The following ITPR2 variants were observed in gnomAD, a reference collection of about 807,000 sequenced individuals.
ITPR2 encodes the protein inositol 1,4,5-trisphosphate receptor type 2, also known as inositol 1,4,5-trisphosphate-gated calcium channel ITPR2.
A neutral mutation model predicts 317.1 loss-of-function variants in ITPR2; 207 were observed. The observed-to-expected ratio is 0.65, with a 90% CI of 0.58 to 0.73. The LOEUF is 0.73. Ranked by LOEUF, ITPR2 falls within the 30% of genes least tolerant of loss-of-function variation. The pLI is 0.00. For synonymous variants in ITPR2, 1,156 were observed against 1,149.1 expected, an observed-to-expected ratio of 1.01 and a Z score of -0.12; for missense variants, 2,613 against 3,284.0, an observed-to-expected ratio of 0.80 and a Z score of 4.99.
rs139131390 is a variant in ITPR2, at chr12:26,367,577, C to T, written c.7857+19857G>A. ...TATAAAAATCTGAAAAAACCTTTAACGCAGATAGGGAAACTAAATGAAAAA... is the reference window on the plus strand; with the variant it reads ...TATAAAAATCTGAAAAAACCTTTAATGCAGATAGGGAAACTAAATGAAAAA... On this transcript the variant is annotated intron_variant, in intron 55 of 56. Coordinates refer to ENST00000381340, the MANE Select transcript of ITPR2 (RefSeq NM_002223.4). Among the ~76,000 whole-genome samples the T allele has an allele frequency of 8.8e-3, 1,337 of 152,140 alleles. 9 individuals are homozygous for T. Among genetic ancestry groups the T allele is most frequent in the South Asian group, 0.019 (90 of 4,824 alleles).
chr12:26,402,563 G>T (rs532286104), intron 52 of ITPR2, among the ~76,000 whole-genome samples: 4 of 152,312 alleles, frequency 2.6e-5, no homozygotes, highest in Non-Finnish European at 5.9e-5. Context: ...AAACGAATTG[G>T]CTGAAAAATC....
intron 13 of ITPR2, among the ~76,000 whole-genome samples, chr12:26,676,059 G>A (rs1255509182): frequency 6.6e-6 from 1 of 152,196 alleles, no homozygotes; most frequent in African/African-American, 2.4e-5. Context: ...TCAGGAGGCT[G>A]AGGCAGGAGA....
intron 39 of ITPR2, 105 bp from the exon 40 acceptor site, chr12:26,487,356 G>T: frequency 1.4e-6 from 1 of 714,774 alleles, no homozygotes; most frequent in Non-Finnish European, 2.3e-6. Flanking sequence ...CACACTTAAT[G>T]CACCACCCAT....
chr12:26,523,071 T>C (rs567233551), intron 37 of ITPR2, among the ~76,000 whole-genome samples: 5 of 152,196 alleles, frequency 3.3e-5, no homozygotes, highest in Admixed American at 1.3e-4. Context: ...AAAATAGAAG[T>C]AGAGGGAGCT....
At chr12:26,826,230 GA>G (rs74261566) in intron 1 of ITPR2, among the ~76,000 whole-genome samples, 4,552 of 102,650 alleles carry the variant, frequency 0.044, 84 homozygotes, top group Middle Eastern at 0.082. Context: ...CAAGCCTCAA[GA>G]AAAAAAAAAA....
intron 18 of ITPR2, 66 bp from the exon 19 acceptor site, chr12:26,656,614 C>A (rs1947373467): frequency 1.3e-6 from 2 of 1,515,860 alleles, no homozygotes; most frequent in African/African-American, 1.4e-5. Context: ...GTCATAGTAC[C>A]AATCAGTATC....
intron 51 of ITPR2, among the ~76,000 whole-genome samples, chr12:26,412,843 A>G (rs950212213): frequency 1.1e-4 from 16 of 152,152 alleles, no homozygotes; most frequent in Non-Finnish European, 1.8e-4. Context: ...GACCAGAGCT[A>G]CCAGCCACTA....
At chr12:26,621,093 G>A in intron 26 of ITPR2, 30 bp downstream of exon 26, 3 of 1,576,142 alleles carry the variant, frequency 1.9e-6, no homozygotes, top group Non-Finnish European at 2.6e-6. Flanking sequence ...ACATCATTGG[G>A]AGTATTTCGA....
At chr12:26,411,620 C>A (rs1326720848) in intron 51 of ITPR2, among the ~76,000 whole-genome samples, 1 of 152,162 alleles carries the variant, frequency 6.6e-6, no homozygotes, top group Admixed American at 6.5e-5. Flanking sequence ...CATAGGCCAA[C>A]CCACTAAAAG....
chr12:26,704,172 TA>T (rs150251288), intron 9 of ITPR2, among the ~76,000 whole-genome samples: 1 of 152,130 alleles, frequency 6.6e-6, no homozygotes, highest in Admixed American at 6.5e-5. Context: ...GTATAGACCA[TA>T]AAAAAACTAT....
rs76517242 is a variant in ITPR2 at position 26,470,258 on chromosome 12, C to A, written c.6342+5038G>T. ...CAGATGAAGCATCAGAACTTTTCTT[C>A]TTATTATTTTTGCATTATGACATGG... On this transcript the variant is annotated intron_variant, in intron 45 of 56. Coordinates refer to ENST00000381340, the MANE Select transcript of ITPR2 (RefSeq NM_002223.4). Among the ~76,000 whole-genome samples the A allele has an allele frequency of 9.6e-4, 146 of 152,254 alleles. 3 individuals are homozygous for A. In the East Asian group the frequency reaches 0.024, roughly 25 times the overall value.
rs35660888 is a variant in ITPR2, at chr12:26,398,057, GGTGTGTGTGT to G, written c.7696+809_7696+818del. On this transcript the variant is annotated intron_variant, in intron 54 of 56. Transcript: ENST00000381340. Reference sequence around the variant, plus strand: ...GATGACAGGAGAAGGGGAGGGGAGTGGTGTGTGTGTGTGTGTGTGTGTGTGTGTGTGTGTG... The same window carrying G: ...GATGACAGGAGAAGGGGAGGGGAGTGGTGTGTGTGTGTGTGTGTGTGTGTG... 3.0e-4 allele frequency among the ~76,000 whole-genome samples: 40 copies of G among 135,078 alleles called. 1 individual carries two copies. Among genetic ancestry groups the G allele is most frequent in the East Asian group, 4.2e-4 (2 of 4,736 alleles). The allele number at this position is 135,078 out of a possible 152,430, so 88.6% of individuals were successfully genotyped here.
intron 13 of ITPR2, among the ~76,000 whole-genome samples, chr12:26,679,957 G>A (rs1001551980): frequency 6.6e-6 from 1 of 151,812 alleles, no homozygotes; most frequent in Non-Finnish European, 1.5e-5. Flanking sequence ...ATATGCAAAT[G>A]TTTATATAAT....
chr12:26,426,368 G>A (rs1190372032), intron 49 of ITPR2, among the ~76,000 whole-genome samples: 2 of 152,102 alleles, frequency 1.3e-5, no homozygotes, highest in East Asian at 3.8e-4. Context: ...TGCTTGGTTG[G>A]TAATACTGTA....
intron 55 of ITPR2, among the ~76,000 whole-genome samples, chr12:26,368,977 A>T (rs933202653): frequency 7.9e-5 from 12 of 152,334 alleles, no homozygotes; most frequent in Middle Eastern, 3.4e-3. Context: ...AGAAAAGGTG[A>T]CCAGAGAAAG....
chr12:26,642,319 T>A (rs1240906856), intron 21 of ITPR2, among the ~76,000 whole-genome samples: 1 of 152,198 alleles, frequency 6.6e-6, no homozygotes, highest in Admixed American at 6.5e-5. Context: ...ATCTCCAATG[T>A]TGTGAAGTTG....
intron 2 of ITPR2, among the ~76,000 whole-genome samples, chr12:26,786,449 T>TAAAAAAAAAAAAAAAAAAA (rs59014121): frequency 3.4e-5 from 4 of 119,214 alleles, no homozygotes; most frequent in African/African-American, 1.5e-4. Context: ...GAATGATCAA[T>TAAAAAAAAAAAAAAAAAAA]AAAAAAAAAA....
chr12:26,674,969 G>C (rs1447156332), intron 13 of ITPR2, among the ~76,000 whole-genome samples: 3 of 152,212 alleles, frequency 2.0e-5, no homozygotes, highest in Middle Eastern at 3.4e-3. Flanking sequence ...CTGGCCATCA[G>C]AGAAATGCAA....
intron 34 of ITPR2, among the ~76,000 whole-genome samples, chr12:26,577,962 C>T (rs189798772): frequency 2.0e-4 from 30 of 152,258 alleles, no homozygotes; most frequent in African/African-American, 7.0e-4. Context: ...AAATGGCTGG[C>T]ATTGCACATG....
Sources: gnomAD v4.1 joint callset for allele counts (sites outside exome capture counted in the v4.1 genomes callset) on GRCh38, gnomAD v4.1.1 for gene constraint, MANE v1.5 for transcripts, NCBI Gene and HGNC (gene_info 2026-07-23, HGNC 2026-07-21) for gene names.